The following RUSC2 variants were observed in gnomAD, a reference collection of about 807,000 sequenced individuals.
RUSC2 encodes the protein RUN and SH3 domain containing 2, also known as AP-4 complex accessory subunit RUSC2.
Under a neutral mutation model 122.2 loss-of-function variants are expected in RUSC2, and 34 were observed. That is an observed-to-expected ratio of 0.28 (90% CI 0.21 to 0.37). The LOEUF is 0.37. RUSC2 is among the 10% of genes least tolerant of loss of function. The pLI is 1.00. For missense variants in RUSC2, 1,747 were observed against 1,952.4 expected, an observed-to-expected ratio of 0.89 and a Z score of 1.98; for synonymous variants, 784 against 790.0, an observed-to-expected ratio of 0.99 and a Z score of 0.13.
At chr9:35,516,411 C>G (rs1428035679) in intron 1 of RUSC2, among the ~76,000 whole-genome samples, 1 of 151,434 alleles carries the variant, frequency 6.6e-6, no homozygotes, top group East Asian at 1.9e-4. Context: ...AGGCCTGAGC[C>G]AATTCAAGTG....
intron 1 of RUSC2, among the ~76,000 whole-genome samples, chr9:35,533,568 T>C (rs915191566): frequency 6.6e-6 from 1 of 152,228 alleles, no homozygotes; most frequent in African/African-American, 2.4e-5. Context: ...TAGTCTAATT[T>C]TGGAACATTT....
At chr9:35,524,485 T>C (rs1821282960) in intron 1 of RUSC2, among the ~76,000 whole-genome samples, 1 of 152,196 alleles carries the variant, frequency 6.6e-6, no homozygotes, top group Non-Finnish European at 1.5e-5. Context: ...ATGATAACTT[T>C]ACAATGGAGA....
chr9:35,541,872 A>G (rs2132544618), intron 1 of RUSC2, among the ~76,000 whole-genome samples: 1 of 150,230 alleles, frequency 6.7e-6, no homozygotes, highest in East Asian at 1.9e-4. Flanking sequence ...CTGGGTGTAT[A>G]ATTATTTTAA....
At chr9:35,545,074 C>T (rs868681095) in intron 1 of RUSC2, among the ~76,000 whole-genome samples, 14 of 152,124 alleles carry the variant, frequency 9.2e-5, no homozygotes, top group Non-Finnish European at 1.5e-4. Flanking sequence ...GTCCCTTATA[C>T]GTATACTTAT....
intron 1 of RUSC2, among the ~76,000 whole-genome samples, chr9:35,508,631 A>G (rs1234121078): frequency 6.6e-6 from 1 of 152,232 alleles, no homozygotes; most frequent in African/African-American, 2.4e-5. Context: ...AAATAAACCT[A>G]TATTCCAAGT....
chr9:35,539,581 ATGCATG>A (rs781199032), intron 1 of RUSC2, among the ~76,000 whole-genome samples: 27 of 152,046 alleles, frequency 1.8e-4, no homozygotes, highest in Non-Finnish European at 3.1e-4. Flanking sequence ...ACATGCATGC[ATGCATG>A]CACATAGCTA....
intron 1 of RUSC2, among the ~76,000 whole-genome samples, chr9:35,544,921 A>G (rs1821716170): frequency 6.6e-6 from 1 of 152,162 alleles, no homozygotes; most frequent in Non-Finnish European, 1.5e-5. Flanking sequence ...CTGCCCTTCT[A>G]CATCTCTACC....
intron 2 of RUSC2, among the ~76,000 whole-genome samples, chr9:35,552,212 TTAGC>T (rs1045984538): frequency 4.7e-5 from 7 of 149,856 alleles, no homozygotes; most frequent in African/African-American, 1.7e-4. Context: ...AATACAAAAA[TTAGC>T]TAGGCATGGT....
intron 1 of RUSC2, among the ~76,000 whole-genome samples, chr9:35,495,075 ATATAGTATATATTATATATAC>A (rs1820664771): frequency 2.0e-4 from 1 of 4,918 alleles, no homozygotes; most frequent in Non-Finnish European, 4.6e-4. Flanking sequence ...TATATATTAT[ATATAGTATATATTATATATAC>A]TATAGTATAT....
At chr9:35,519,084 C>T (rs1467396295) in intron 1 of RUSC2, among the ~76,000 whole-genome samples, 1 of 152,110 alleles carries the variant, frequency 6.6e-6, no homozygotes, top group Admixed American at 6.6e-5. Flanking sequence ...CTGTTTGTTC[C>T]CCTTCGTCTT....
intron 1 of RUSC2, among the ~76,000 whole-genome samples, chr9:35,495,085 T>TTATATATACTATAGTATATATTATAC (rs1820666070): frequency 1.3e-5 from 1 of 76,330 alleles, no homozygotes; most frequent in Non-Finnish European, 2.2e-5. Flanking sequence ...ATATAGTATA[T>TTATATATACTATAGTATATATTATAC]ATTATATATA....
chr9:35,495,686 A>G (rs111518339), intron 1 of RUSC2, among the ~76,000 whole-genome samples: 1 of 151,972 alleles, frequency 6.6e-6, no homozygotes, highest in Admixed American at 6.6e-5. Context: ...TTTAGGATGG[A>G]TTTTACTATT....
chr9:35,555,402 T>G lies in RUSC2; in HGVS notation c.2357T>G (p.Val786Gly), dbSNP rs778804945. 6.2e-7 allele frequency: 1 copy of G among 1,614,236 alleles called. No homozygotes were observed. The highest frequency in any genetic ancestry group is 8.5e-7 in the Non-Finnish European group (1 of 1,180,034). Residue 786 changes from valine (V) to glycine (G), a missense_variant, in exon 3 of 12, where the codon GTT becomes GGT. Physicochemically the swap from Val to Gly is moderately radical, Grantham distance 109. Coordinates refer to ENST00000361226, the MANE Select transcript of RUSC2 (RefSeq NM_014806.5). This position sits in a 1 kb window ranked among gnomAD's most constrained non-coding sequence, Gnocchi z 4.6. ...PLGSYSPIRS[V>G]GPFGPSTDSS... ...GGCAGCTACTCCCCCATCCGGAGTG[T>G]TGGCCCCTTTGGGCCCAGCACTGAC...
intron 2 of RUSC2, among the ~76,000 whole-genome samples, chr9:35,553,061 T>C (rs1821934785): frequency 6.6e-6 from 1 of 152,046 alleles, no homozygotes; most frequent in African/African-American, 2.4e-5. Context: ...AAACTGATAC[T>C]TAAATAGGCG....
intron 5 of RUSC2, among the ~76,000 whole-genome samples, 163 bp downstream of exon 5, chr9:35,556,611 T>C (rs2131698355): frequency 6.6e-6 from 1 of 151,922 alleles, no homozygotes; most frequent in African/African-American, 2.4e-5. Flanking sequence ...GATCATGAGG[T>C]CAGGAGTTCG....
At chr9:35,503,124 A>G (rs1479671963) in intron 1 of RUSC2, among the ~76,000 whole-genome samples, 1 of 152,168 alleles carries the variant, frequency 6.6e-6, no homozygotes, top group East Asian at 1.9e-4. Context: ...AGCTTCCCAA[A>G]GTGCAGGGAT....
chr9:35,525,044 C>T (rs1027610224), intron 1 of RUSC2, among the ~76,000 whole-genome samples: 6 of 151,810 alleles, frequency 4.0e-5, no homozygotes, highest in African/African-American at 7.3e-5. Context: ...ACTGGAGGTT[C>T]TGTGAGAGTG....
At chr9:35,561,120 GC>G in intron 11 of RUSC2, 23 bp downstream of exon 11, 3 of 1,613,690 alleles carry the variant, frequency 1.9e-6, no homozygotes, top group Non-Finnish European at 2.5e-6. Context: ...AAACGGAAGG[GC>G]TGAGGGGGGC....
chr9:35,495,901 CTAAG>C (rs1820703509), intron 1 of RUSC2, among the ~76,000 whole-genome samples: 1 of 152,050 alleles, frequency 6.6e-6, no homozygotes, highest in South Asian at 2.1e-4. Flanking sequence ...AAGTTCATTC[CTAAG>C]TATTTTATTC....
Sources: allele counts gnomAD v4.1 joint callset (sites outside exome capture counted in the v4.1 genomes callset), GRCh38; gene constraint gnomAD v4.1.1; non-coding constraint Gnocchi (gnomAD v3.1); transcripts MANE v1.5; gene names NCBI Gene and HGNC (gene_info 2026-07-23, HGNC 2026-07-21).